CDC73: variants seen among roughly 807,000 people sequenced by gnomAD.
The protein encoded by CDC73 is cell division cycle 73.
In CDC73, 21 loss-of-function variants were observed where a neutral mutation model predicts 83.7. The observed-to-expected ratio is 0.25, with a 90% CI of 0.18 to 0.36. The LOEUF is 0.36. CDC73 is among the 10% of genes least tolerant of loss of function. The pLI is 1.00. For missense variants in CDC73, 342 were observed against 653.3 expected, an observed-to-expected ratio of 0.52 and a Z score of 5.19; for synonymous variants, 224 against 212.9, an observed-to-expected ratio of 1.05 and a Z score of -0.45.
At chr1:193,195,547 C>T (rs902456246) in intron 10 of CDC73, among the ~76,000 whole-genome samples, 1 of 151,996 alleles carries the variant, frequency 6.6e-6, no homozygotes, top group South Asian at 2.1e-4. Context: ...TATGTTAATT[C>T]TTTGTTTAAT....
intron 13 of CDC73, among the ~76,000 whole-genome samples, chr1:193,230,274 G>T (rs1677638338): frequency 6.6e-6 from 1 of 150,902 alleles, no homozygotes; most frequent in African/African-American, 2.4e-5. Context: ...TCAGCTTCCA[G>T]AGTAGCTGGG....
chr1:193,215,648 G>A (rs866609400), intron 13 of CDC73, among the ~76,000 whole-genome samples: 15 of 151,278 alleles, frequency 9.9e-5, no homozygotes, highest in African/African-American at 3.4e-4. Flanking sequence ...GGAGTGCAGT[G>A]GTGTGATCTC....
chr1:193,182,424 A>G (rs967776225), intron 10 of CDC73, among the ~76,000 whole-genome samples: 3 of 152,114 alleles, frequency 2.0e-5, no homozygotes, highest in Admixed American at 2.0e-4. Flanking sequence ...AGTGTCTTTG[A>G]TTATCTATGG....
chr1:193,148,128 GTTAC>G (rs1676041645), intron 8 of CDC73, among the ~76,000 whole-genome samples, 163 bp downstream of exon 8: 2 of 152,188 alleles, frequency 1.3e-5, no homozygotes, highest in South Asian at 4.1e-4. Flanking sequence ...AACATTAAAA[GTTAC>G]TTACTTCAGC....
intron 15 of CDC73, among the ~76,000 whole-genome samples, chr1:193,241,854 A>G (rs1413629153): frequency 6.6e-6 from 1 of 152,132 alleles, no homozygotes; most frequent in Non-Finnish European, 1.5e-5. Flanking sequence ...GGTCGCAGGC[A>G]GGGGTGGGGT....
Position 193,212,446 on chromosome 1 carries a change from C to T in CDC73, c.1123C>T (p.Leu375Phe), listed in dbSNP as rs2102038570. 6.2e-7 allele frequency: 1 copy of T among 1,607,072 alleles called. No individual in the cohort carries two copies. Among genetic ancestry groups the T allele is most frequent in the Non-Finnish European group, 8.5e-7 (1 of 1,175,138 alleles). ...PAATTSLITM[L>F]NAKDLLQDLK... ...AGCTACCACCTCTTTAATAACCATG[C>T]TTAATGCAAAAGACCTTCTACAGGA... The change falls in exon 13 of 17, where the codon CTT (leucine) becomes TTT (phenylalanine). Residue 375 changes from leucine (L) to phenylalanine (F), a missense_variant. Around this residue, in one of 3 missense-constraint regions of CDC73, gnomAD observed 239 missense variants for 420.6 expected, o/e 0.57. Coordinates refer to ENST00000367435, the MANE Select transcript of CDC73 (RefSeq NM_024529.5).
At chr1:193,180,510 C>T (rs1558300909) in intron 10 of CDC73, 2 of 1,614,016 alleles carry the variant, frequency 1.2e-6, no homozygotes, top group East Asian at 2.2e-5. Context: ...GATCAATTCT[C>T]AACTTGGCAA....
chr1:193,172,831 T>C (rs765857227), intron 10 of CDC73, among the ~76,000 whole-genome samples: 1 of 152,220 alleles, frequency 6.6e-6, no homozygotes, highest in Non-Finnish European at 1.5e-5. Context: ...CCTAAACCAT[T>C]GCTGTATCTA....
At chr1:193,213,109 A>G (rs1270758320) in intron 13 of CDC73, among the ~76,000 whole-genome samples, 1 of 152,190 alleles carries the variant, frequency 6.6e-6, no homozygotes, top group Non-Finnish European at 1.5e-5. Flanking sequence ...TAGTTTACGT[A>G]TATTTTCCCA....
intron 3 of CDC73, among the ~76,000 whole-genome samples, chr1:193,134,360 T>G (rs1485431411): frequency 6.6e-6 from 1 of 151,990 alleles, no homozygotes; most frequent in African/African-American, 2.4e-5. Context: ...AGTAGAGTAC[T>G]CAGTAGCTAT....
intron 10 of CDC73, among the ~76,000 whole-genome samples, chr1:193,189,308 G>A (rs977823343): frequency 3.3e-5 from 5 of 152,092 alleles, no homozygotes; most frequent in African/African-American, 1.2e-4. Context: ...TAAAGTTCAG[G>A]AAAACAGGGC....
At chr1:193,129,288 G>T (rs1056489221) in intron 2 of CDC73, among the ~76,000 whole-genome samples, 3 of 151,552 alleles carry the variant, frequency 2.0e-5, no homozygotes, top group Non-Finnish European at 4.4e-5. Flanking sequence ...GAGCCACTGC[G>T]CCCTGCCTAA....
chr1:193,176,392 C>A (rs904050887), intron 10 of CDC73, among the ~76,000 whole-genome samples: 1 of 152,202 alleles, frequency 6.6e-6, no homozygotes, highest in East Asian at 1.9e-4. Flanking sequence ...GACAAAAAAT[C>A]TTCAGCATGT....
intron 7 of CDC73, 49 bp downstream of exon 7, chr1:193,142,115 G>C (rs932098716): frequency 7.0e-6 from 10 of 1,436,222 alleles, no homozygotes; most frequent in Non-Finnish European, 8.8e-6. Flanking sequence ...GAGAGAGAGA[G>C]AGTGCGTTTA....
chr1:193,144,530 G>A (rs1316720300), intron 7 of CDC73, among the ~76,000 whole-genome samples: 1 of 152,146 alleles, frequency 6.6e-6, no homozygotes, highest in Non-Finnish European at 1.5e-5. Flanking sequence ...TCAATGGTTG[G>A]TAAAACTGCT....
intron 5 of CDC73, 148 bp downstream of exon 5, chr1:193,135,737 A>G (rs915963643): frequency 1.4e-5 from 9 of 657,738 alleles, no homozygotes; most frequent in Non-Finnish European, 2.4e-5. Flanking sequence ...ATTAATAAGT[A>G]GCTCAAGCTA....
chr1:193,250,003 C>A, intron 16 of CDC73, 132 bp downstream of exon 16: 1 of 814,566 alleles, frequency 1.2e-6, no homozygotes, highest in South Asian at 1.5e-5. Context: ...TGATGCTTAT[C>A]TTCAGTACAT....
chr1:193,181,696 G>T, intron 10 of CDC73: 2 of 880,792 alleles, frequency 2.3e-6, no homozygotes, highest in Non-Finnish European at 3.4e-6. Flanking sequence ...TAAAAATGAA[G>T]CACAAAAGTT....
intron 10 of CDC73, among the ~76,000 whole-genome samples, chr1:193,192,686 T>TA (rs1676939168): frequency 6.6e-6 from 1 of 152,186 alleles, no homozygotes; most frequent in Admixed American, 6.5e-5. Flanking sequence ...CAGACACTGA[T>TA]ATTCAGTGAA....
Sources: gnomAD v4.1 joint callset for allele counts (sites outside exome capture counted in the v4.1 genomes callset) on GRCh38, gnomAD v4.1.1 for gene constraint, gnomAD v4.1.1 regional missense constraint, MANE v1.5 for transcripts, NCBI Gene and HGNC (gene_info 2026-07-23, HGNC 2026-07-21) for gene names.